SHLD1: variants seen among roughly 807,000 people sequenced by gnomAD.
SHLD1 encodes the protein shieldin complex subunit 1.
A neutral mutation model predicts 5.5 loss-of-function variants in SHLD1; 3 were observed. The observed-to-expected ratio is 0.54, with a 90% CI of 0.25 to 1.40. The LOEUF is 1.40. Ranked by LOEUF, SHLD1 falls within the 40% of genes most tolerant of loss-of-function variation. The pLI is 0.15. For synonymous variants in SHLD1, 92 were observed against 94.3 expected, an observed-to-expected ratio of 0.98 and a Z score of 0.14; for missense variants, 210 against 244.4, an observed-to-expected ratio of 0.86 and a Z score of 0.94.
intron 2 of SHLD1, among the ~76,000 whole-genome samples, chr20:5,849,747 C>G (rs964824281): frequency 6.6e-6 from 1 of 151,354 alleles, no homozygotes; most frequent in African/African-American, 2.4e-5. Context: ...ATCATGAGGT[C>G]AGGAGATCGA....
chr20:5,804,444 C>T (rs563634227), intron 2 of SHLD1, among the ~76,000 whole-genome samples: 2 of 151,956 alleles, frequency 1.3e-5, no homozygotes, highest in South Asian at 4.2e-4. Flanking sequence ...AATCTAGCTC[C>T]TGTGTGTTTT....
chr20:5,766,340 T>C (rs138252690), intron 1 of SHLD1, among the ~76,000 whole-genome samples: 1 of 152,362 alleles, frequency 6.6e-6, no homozygotes, highest in Non-Finnish European at 1.5e-5. Flanking sequence ...AGCTGATAGC[T>C]TGGCTCACTC....
At chr20:5,818,506 T>C (rs1306120031) in intron 2 of SHLD1, among the ~76,000 whole-genome samples, 1 of 152,216 alleles carries the variant, frequency 6.6e-6, no homozygotes, top group African/African-American at 2.4e-5. Flanking sequence ...GCAGGGATCC[T>C]GTACCCATTT....
At chr20:5,790,565 G>A (rs1020127168) in intron 2 of SHLD1, among the ~76,000 whole-genome samples, 1 of 147,430 alleles carries the variant, frequency 6.8e-6, no homozygotes, top group Non-Finnish European at 1.5e-5. Context: ...CTATTCTCCC[G>A]CCTCAGCCTC....
At chr20:5,763,290 C>CAAAA (rs57863188) in intron 1 of SHLD1, among the ~76,000 whole-genome samples, 49 of 58,012 alleles carry the variant, frequency 8.4e-4, no homozygotes, top group Admixed American at 1.6e-3. Flanking sequence ...AACTCCATCT[C>CAAAA]AAAAAAAAAA....
At chr20:5,791,686 G>A (rs542594526) in intron 2 of SHLD1, among the ~76,000 whole-genome samples, 74 of 151,558 alleles carry the variant, frequency 4.9e-4, no homozygotes, top group African/African-American at 1.7e-3. Flanking sequence ...CCCATGTGAA[G>A]AGAATGAAAA....
chr20:5,839,564 A>G (rs1197314460), intron 2 of SHLD1, among the ~76,000 whole-genome samples: 6 of 152,314 alleles, frequency 3.9e-5, no homozygotes, highest in African/African-American at 4.8e-5. Context: ...AGACCAAAGT[A>G]TACCACAGAT....
At chr20:5,844,797 ATATT>A (rs1239059459) in intron 2 of SHLD1, among the ~76,000 whole-genome samples, 12 of 95,188 alleles carry the variant, frequency 1.3e-4, no homozygotes, top group African/African-American at 2.8e-4. Context: ...ATATATATAT[ATATT>A]TTTTTTTTTT....
At chr20:5,821,234 G>A (rs1218144523) in intron 2 of SHLD1, among the ~76,000 whole-genome samples, 1 of 152,152 alleles carries the variant, frequency 6.6e-6, no homozygotes, top group Admixed American at 6.5e-5. Context: ...TTAAGGCTGG[G>A]CGTGGTGGTG....
At chr20:5,767,263 T>C (rs1221058873) in intron 1 of SHLD1, among the ~76,000 whole-genome samples, 1 of 152,014 alleles carries the variant, frequency 6.6e-6, no homozygotes, top group Non-Finnish European at 1.5e-5. Context: ...CCTCCCGAGT[T>C]GCTGGGACTA....
At chr20:5,762,918 AG>A (rs1004347458) in intron 1 of SHLD1, among the ~76,000 whole-genome samples, 4 of 141,064 alleles carry the variant, frequency 2.8e-5, no homozygotes, top group Middle Eastern at 4.8e-3. Flanking sequence ...GGTTGCAGTG[AG>A]CCGAGATCGC....
At chr20:5,834,446 T>C (rs894596774) in intron 2 of SHLD1, among the ~76,000 whole-genome samples, 3 of 152,228 alleles carry the variant, frequency 2.0e-5, no homozygotes, top group African/African-American at 4.8e-5. Context: ...ATTTGACCAA[T>C]GAGCTGAGTC....
chr20:5,840,986 T>C (rs1210260552), intron 2 of SHLD1, among the ~76,000 whole-genome samples: 1 of 152,182 alleles, frequency 6.6e-6, no homozygotes. Flanking sequence ...ATAAAAGATA[T>C]TTATTAGTTT....
intron 2 of SHLD1, among the ~76,000 whole-genome samples, chr20:5,783,310 C>T (rs1270250841): frequency 3.3e-5 from 5 of 152,068 alleles, no homozygotes; most frequent in South Asian, 2.1e-4. Flanking sequence ...CTGCGACCTC[C>T]GCCTCCCAGT....
In SHLD1 at chr20:5,817,418, CTCTCTCTCTCTCTCTGTGTGTGTG is replaced by C. The variant is rs1229018654; in HGVS notation, c.178+44377_178+44400del. Among the ~76,000 whole-genome samples the C allele has an allele frequency of 7.5e-4, 102 of 136,752 alleles. 1 individual carries two copies. The highest frequency in any genetic ancestry group is 2.9e-3 in the African/African-American group (99 of 33,730). 89.7% of individuals were successfully genotyped at this position (136,752 alleles called of 152,430 possible). ...TTTCTCTCTCTCTCTCTCTCTCTCT[CTCTCTCTCTCTCTCTGTGTGTGTG>C]TGTGTGTGTGTGTGTGTGTGTGTGT... On this transcript the variant is annotated intron_variant, in intron 2 of 2. Coordinates refer to ENST00000303142, the MANE Select transcript of SHLD1 (RefSeq NM_152504.4).
At position 5,764,137 on chromosome 20, in the gene SHLD1, A is replaced by ATATAT. The variant is rs1450130967; in HGVS notation, c.-4-8725_-4-8724insTATAT. ...GCAAGGCTCTGTCTCAAAAAAAAAA[A>ATATAT]AAATATATATATATTTATATTTATA... On this transcript the variant is annotated intron_variant, in intron 1 of 2. Coordinates refer to ENST00000303142, the MANE Select transcript of SHLD1 (RefSeq NM_152504.4). Among the ~76,000 whole-genome samples, 124 of 95,818 alleles carry ATATAT rather than the reference A, an allele frequency of 1.3e-3. 2 individuals carry two copies. Among genetic ancestry groups the ATATAT allele is most frequent in the African/African-American group, 4.2e-3 (88 of 21,042 alleles). 62.9% of individuals were successfully genotyped at this position (95,818 alleles called of 152,430 possible). A position where few individuals can be genotyped will look rare whatever the true frequency, so the allele number is the denominator to read the frequency against.
intron 2 of SHLD1, among the ~76,000 whole-genome samples, chr20:5,848,679 A>G (rs182170678): frequency 7.9e-5 from 12 of 152,340 alleles, no homozygotes; most frequent in Admixed American, 5.2e-4. Flanking sequence ...TTTCAAGAAA[A>G]ATATAAAATG....
At chr20:5,764,126 C>CAA (rs766327106) in intron 1 of SHLD1, among the ~76,000 whole-genome samples, 1 of 53,240 alleles carries the variant, frequency 1.9e-5, no homozygotes, top group African/African-American at 7.8e-5. Flanking sequence ...GGCTCTGTCT[C>CAA]AAAAAAAAAA....
intron 2 of SHLD1, among the ~76,000 whole-genome samples, chr20:5,812,106 A>T (rs2087467941): frequency 8.0e-6 from 1 of 124,290 alleles, no homozygotes. Flanking sequence ...TTTTTTGAGG[A>T]CCCGACCTTT....
Sources: gnomAD v4.1 joint callset for allele counts (sites outside exome capture counted in the v4.1 genomes callset) on GRCh38, gnomAD v4.1.1 for gene constraint, MANE v1.5 for transcripts, NCBI Gene and HGNC (gene_info 2026-07-23, HGNC 2026-07-21) for gene names.